GON4L: variants seen among roughly 807,000 people sequenced by gnomAD.
GON4L encodes the protein GON-4-like protein.
In GON4L, 87 loss-of-function variants were observed where a neutral mutation model predicts 211.8. The ratio of observed to expected loss-of-function variants is 0.41; its 90% CI spans 0.35 to 0.49. The LOEUF is 0.49. Ranked by LOEUF, GON4L falls within the 20% of genes least tolerant of loss-of-function variation. The pLI is 0.15. For missense variants in GON4L, 2,155 were observed against 2,659.5 expected, an observed-to-expected ratio of 0.81 and a Z score of 4.17; for synonymous variants, 875 against 962.6, an observed-to-expected ratio of 0.91 and a Z score of 1.68.
In GON4L at chr1:155,775,134, G is replaced by A. The variant is rs752174257; in HGVS notation, c.2218C>T (p.His740Tyr). 2.5e-6 allele frequency: 4 copies of A among 1,614,174 alleles called. No homozygotes were observed. Among genetic ancestry groups the A allele is most frequent in the Admixed American group, 1.7e-5 (1 of 60,000 alleles). ...TGAAACTTGGGGTTGTACTGATGGT[G>A]AAGGGCGATGGAGCTTTGAGCAAAG... is the stretch of plus-strand genomic sequence containing the variant. ...GTFAQSSIAL[H>Y]HQYNPKFQTL... Residue 740 changes from histidine (H) to tyrosine (Y), a missense_variant, in exon 17 of 32, where the codon CAC becomes TAC. Physicochemically the swap from His to Tyr is moderately conservative, Grantham distance 83. This residue lies in a region of GON4L where 551 missense variants were observed against 854.0 expected (regional missense o/e 0.65). Transcript: ENST00000368331.
chr1:155,827,118 G>T, intron 2 of GON4L, 90 bp from the exon 3 acceptor site: 1 of 959,742 alleles, frequency 1.0e-6, no homozygotes, highest in Non-Finnish European at 1.7e-6. Context: ...GTGTTTTTAG[G>T]TAGACAACTT....
intron 1 of GON4L, among the ~76,000 whole-genome samples, 179 bp from the exon 2 acceptor site, chr1:155,853,985 T>A (rs920346992): frequency 3.3e-4 from 51 of 152,320 alleles, no homozygotes; most frequent in Non-Finnish European, 1.3e-4. Flanking sequence ...AAATCTCAAC[T>A]CTACTGATTA....
At chr1:155,767,115 C>T (rs1213051525) in intron 20 of GON4L, 6 of 647,108 alleles carry the variant, frequency 9.3e-6, no homozygotes, top group Non-Finnish European at 1.6e-5. Context: ...AGACCTTAGA[C>T]AGTCTCAAGG....
downstream of GON4L, chr1:155,745,720 G>A: frequency 1.1e-6 from 1 of 933,792 alleles, no homozygotes; most frequent in Non-Finnish European, 1.6e-6. Flanking sequence ...ATGTGTTTGC[G>A]GACCAATAAG....
chr1:155,752,569 G>A lies in GON4L; in HGVS notation c.5864C>T (p.Thr1955Ile). The A allele has an allele frequency of 6.3e-7, 1 of 1,592,030 alleles. No homozygotes were observed. Among genetic ancestry groups the A allele is most frequent in the Non-Finnish European group, 8.6e-7 (1 of 1,168,946 alleles). ...AGTCACTTCTCGAGGGGATGGCAAA[G>A]TGCTCCCCACTGCCAATCCTGCTTA... ...PVSAGLAVGS[T>I]LPSPREVTVT... The change falls in exon 30 of 32, where the codon ACT (threonine) becomes ATT (isoleucine). Residue 1955 changes from threonine to isoleucine, a missense_variant. Around this residue, in one of 6 missense-constraint regions of GON4L, gnomAD observed 455 missense variants for 504.6 expected, o/e 0.90. Coordinates refer to ENST00000368331, the MANE Select transcript of GON4L (RefSeq NM_001282860.2).
At chr1:155,807,465 G>A (rs577552876) in intron 10 of GON4L, among the ~76,000 whole-genome samples, 2 of 151,992 alleles carry the variant, frequency 1.3e-5, no homozygotes, top group African/African-American at 4.8e-5. Context: ...CCCAGACTTT[G>A]GGAGGACAAG....
At chr1:155,756,256 T>C (rs939926358) in intron 27 of GON4L, among the ~76,000 whole-genome samples, 1 of 152,214 alleles carries the variant, frequency 6.6e-6, no homozygotes, top group Non-Finnish European at 1.5e-5. Context: ...GCTATCATTA[T>C]TATTAATATG....
At chr1:155,779,837 G>A (rs191468341) in intron 14 of GON4L, among the ~76,000 whole-genome samples, 21 of 150,764 alleles carry the variant, frequency 1.4e-4, no homozygotes, top group South Asian at 4.2e-4. Context: ...TTGCTCTGTC[G>A]CCCAGGCTGG....
At chr1:155,811,774 AAAAAAG>A (rs1172014808) in intron 10 of GON4L, among the ~76,000 whole-genome samples, 18 of 148,488 alleles carry the variant, frequency 1.2e-4, no homozygotes, top group African/African-American at 4.5e-4. Flanking sequence ...AAAAAAAAAA[AAAAAAG>A]AAGGCTGGGC....
At chr1:155,813,193 A>G (rs1461754269) in intron 10 of GON4L, among the ~76,000 whole-genome samples, 1 of 152,158 alleles carries the variant, frequency 6.6e-6, no homozygotes, top group African/African-American at 2.4e-5. Flanking sequence ...CCACTTTGAG[A>G]GGCTAAGGTG....
In GON4L at chr1:155,750,449, T is replaced by C; in HGVS notation, c.*135A>G. 3.2e-6 allele frequency: 2 copies of C among 628,998 alleles called. No homozygotes were observed. Among genetic ancestry groups the C allele is most frequent in the Non-Finnish European group, 5.8e-6 (2 of 344,430 alleles). The allele number at this position is 628,998 out of a possible 1,614,324, so 39.0% of individuals were successfully genotyped here. A position where few individuals can be genotyped will look rare whatever the true frequency, so the allele number is the denominator to read the frequency against. The stretch of plus-strand genomic sequence containing the variant: ...TGGGTCCTACTCCATCCTCCAGCCT[T>C]TGTCCTTGTCCTGGCCTCCTGCTCT... On this transcript the variant is annotated 3_prime_UTR_variant, in exon 32 of 32. Transcript: ENST00000368331.
At position 155,792,596 on chromosome 1, in the gene GON4L, G is replaced by A. The variant is rs994789645; in HGVS notation, c.1747+2454C>T. Among the ~76,000 whole-genome samples the A allele has an allele frequency of 6.6e-5, 10 of 152,254 alleles. No homozygotes were observed. The East Asian group carries it at 1.4e-3, about 21-fold the overall frequency. On this transcript the variant is annotated intron_variant, in intron 12 of 31. Transcript: ENST00000368331. The stretch of plus-strand genomic sequence containing the variant: ...GCAAAGCAAGAAGATCAATCCTAAC[G>A]AAGGAGGATCTCCCTGAGAAATTAT...
chr1:155,831,838 C>T lies in GON4L; in HGVS notation c.506-4810G>A, dbSNP rs576264410. On this transcript the variant is annotated intron_variant, in intron 2 of 31. Transcript: ENST00000368331. ...GTTAGAAGCTGCAGTGAGCTATGAT[C>T]GTACCACTGGACTATAGCCTGGATG... Among the ~76,000 whole-genome samples, 9 of 152,042 alleles carry T rather than the reference C, an allele frequency of 5.9e-5. No individual in the cohort carries two copies. In the East Asian group the frequency reaches 1.5e-3, roughly 26 times the overall value.
At chr1:155,852,772 T>C (rs1013318619) in intron 2 of GON4L, among the ~76,000 whole-genome samples, 4 of 151,636 alleles carry the variant, frequency 2.6e-5, no homozygotes, top group Non-Finnish European at 4.4e-5. Context: ...GGTACAGAAG[T>C]GGATATAGCG....
chr1:155,853,908 C>T, intron 1 of GON4L, 102 bp from the exon 2 acceptor site: 1 of 768,578 alleles, frequency 1.3e-6, no homozygotes, highest in Non-Finnish European at 2.1e-6. Context: ...GAACACAATA[C>T]TTCACACCAA....
At chr1:155,787,122 C>A (rs376301345) in intron 12 of GON4L, among the ~76,000 whole-genome samples, 111 of 151,896 alleles carry the variant, frequency 7.3e-4, no homozygotes, top group African/African-American at 2.6e-3. Context: ...CGGGGTTTCA[C>A]CATGGTCTCG....
At chr1:155,854,132 GTTTA>G (rs1397924276) in intron 1 of GON4L, among the ~76,000 whole-genome samples, 2 of 152,066 alleles carry the variant, frequency 1.3e-5, no homozygotes, top group South Asian at 2.1e-4. Context: ...AACACTGTGG[GTTTA>G]TTTTTGTGTT....
At chr1:155,769,166 G>T (rs1662893678) in intron 19 of GON4L, among the ~76,000 whole-genome samples, 1 of 150,878 alleles carries the variant, frequency 6.6e-6, no homozygotes, top group Admixed American at 6.6e-5. Context: ...AGTAGAGACG[G>T]GGTTTCACCA....
chr1:155,811,391 CAA>C (rs777417019), intron 10 of GON4L, among the ~76,000 whole-genome samples: 2 of 33,170 alleles, frequency 6.0e-5, no homozygotes, highest in African/African-American at 3.6e-4. Context: ...GACTCCGTCT[CAA>C]AAAAAAAAAA....
Sources: allele counts gnomAD v4.1 joint callset (sites outside exome capture counted in the v4.1 genomes callset), GRCh38; gene constraint gnomAD v4.1.1; regional missense constraint gnomAD v4.1.1; transcripts MANE v1.5; gene names NCBI Gene and HGNC (gene_info 2026-07-23, HGNC 2026-07-21).